CADPS2: variants seen among roughly 807,000 people sequenced by gnomAD.
CADPS2 encodes calcium-dependent secretion activator 2.
A neutral mutation model predicts 172.5 loss-of-function variants in CADPS2; 93 were observed. The observed-to-expected ratio is 0.54, with a 90% CI of 0.46 to 0.64. The LOEUF is 0.64. Among genes scored for constraint, CADPS2 ranks in the 30% least tolerant of loss-of-function variants. The probability of loss-of-function intolerance (pLI) is 0.00; values close to 1 mark genes in which losing one functional copy is unlikely to be tolerated. For missense variants in CADPS2, 1,420 were observed against 1,565.9 expected (o/e 0.91, Z 1.57); for synonymous variants, 546 against 555.2 (o/e 0.98, Z 0.23).
At chr7:122,607,425 C>T (rs1367118307) in intron 6 of CADPS2, among the ~76,000 whole-genome samples, 3 of 152,144 alleles carry the variant, frequency 2.0e-5, no homozygotes, top group African/African-American at 7.2e-5. Flanking sequence ...AGACCACTCA[C>T]TAATTTGTTA....
At chr7:122,684,283 A>G (rs976023407) in intron 2 of CADPS2, among the ~76,000 whole-genome samples, 1 of 152,140 alleles carries the variant, frequency 6.6e-6, no homozygotes, top group Non-Finnish European at 1.5e-5. Flanking sequence ...TTAAGTGAGG[A>G]CTGTGAGGAC....
chr7:122,769,038 T>C (rs2093635375), intron 1 of CADPS2, among the ~76,000 whole-genome samples: 2 of 151,968 alleles, frequency 1.3e-5, no homozygotes, highest in African/African-American at 4.8e-5. Flanking sequence ...AATAGCGCTG[T>C]CAAATTGGGT....
intron 1 of CADPS2, among the ~76,000 whole-genome samples, chr7:122,842,379 G>A (rs1021727598): frequency 1.3e-5 from 2 of 152,180 alleles, no homozygotes; most frequent in African/African-American, 2.4e-5. Flanking sequence ...CCTCATGAAC[G>A]CTTTCTGCCC....
intron 12 of CADPS2, among the ~76,000 whole-genome samples, chr7:122,475,696 A>G (rs1449901187): frequency 3.9e-5 from 6 of 152,188 alleles, no homozygotes; most frequent in African/African-American, 1.4e-4. Flanking sequence ...AGATGGAAGA[A>G]CTACATAATT....
intron 1 of CADPS2, among the ~76,000 whole-genome samples, chr7:122,853,636 A>G (rs1814328759): frequency 6.6e-6 from 1 of 151,830 alleles, no homozygotes; most frequent in South Asian, 2.1e-4. Context: ...ATCCTGACTA[A>G]TATACCCTTA....
chr7:122,860,719 C>A (rs1374437695), intron 1 of CADPS2, among the ~76,000 whole-genome samples: 2 of 152,080 alleles, frequency 1.3e-5, no homozygotes, highest in Non-Finnish European at 2.9e-5. Flanking sequence ...GCTGACCAAC[C>A]TCTCTAAACC....
chr7:122,784,105 A>C (rs1408960568), intron 1 of CADPS2, among the ~76,000 whole-genome samples: 1 of 152,194 alleles, frequency 6.6e-6, no homozygotes, highest in African/African-American at 2.4e-5. Flanking sequence ...TTTGAAAATA[A>C]GATTATAACT....
At chr7:122,777,262 G>A (rs1490867522) in intron 1 of CADPS2, among the ~76,000 whole-genome samples, 1 of 152,182 alleles carries the variant, frequency 6.6e-6, no homozygotes, top group Non-Finnish European at 1.5e-5. Flanking sequence ...CCAGGGAAGG[G>A]ATGGCAGCTC....
chr7:122,321,341 AT>A (rs1318317787), intron 29 of CADPS2, among the ~76,000 whole-genome samples: 1 of 151,974 alleles, frequency 6.6e-6, no homozygotes, highest in Admixed American at 6.6e-5. Context: ...TAACTTTTAA[AT>A]TTTTTTGTAG....
chr7:122,711,011 C>G (rs184090314), intron 2 of CADPS2, among the ~76,000 whole-genome samples: 35 of 152,158 alleles, frequency 2.3e-4, no homozygotes, highest in African/African-American at 7.7e-4. Flanking sequence ...ATATCTGGAG[C>G]TTTTATAATC....
chr7:122,803,020 A>G (rs1048477211), intron 1 of CADPS2, among the ~76,000 whole-genome samples: 3 of 152,246 alleles, frequency 2.0e-5, no homozygotes, highest in African/African-American at 7.2e-5. Context: ...AAAAAATATG[A>G]ATTATATTTA....
intron 20 of CADPS2, among the ~76,000 whole-genome samples, chr7:122,399,658 T>G (rs1447695110): frequency 9.3e-6 from 1 of 107,332 alleles, no homozygotes; most frequent in African/African-American, 3.7e-5. Context: ...AAGGGTGGGT[T>G]TCTTTTTTTT....
At chr7:122,735,797 C>T (rs2092110871) in intron 2 of CADPS2, among the ~76,000 whole-genome samples, 1 of 152,060 alleles carries the variant, frequency 6.6e-6, no homozygotes, top group Admixed American at 6.6e-5. Flanking sequence ...TCCTTCATCC[C>T]AAATACAGAC....
chr7:122,692,431 CAT>C (rs918448725), intron 2 of CADPS2, among the ~76,000 whole-genome samples: 2 of 152,200 alleles, frequency 1.3e-5, no homozygotes, highest in Non-Finnish European at 1.5e-5. Context: ...TACAAACGCC[CAT>C]GTGACTCTGC....
chr7:122,619,628 A>G (rs2075354400), intron 5 of CADPS2, among the ~76,000 whole-genome samples: 1 of 152,168 alleles, frequency 6.6e-6, no homozygotes, highest in Admixed American at 6.5e-5. Flanking sequence ...CTCAGTCTCC[A>G]AACAAATAAA....
intron 2 of CADPS2, among the ~76,000 whole-genome samples, chr7:122,720,559 T>C (rs1034647322): frequency 2.6e-5 from 4 of 151,528 alleles, no homozygotes; most frequent in Admixed American, 6.6e-5. Flanking sequence ...TATATATGCA[T>C]GTGTCTGTAT....
chr7:122,719,813 A>G (rs2090148581), intron 2 of CADPS2, among the ~76,000 whole-genome samples: 1 of 152,116 alleles, frequency 6.6e-6, no homozygotes, highest in African/African-American at 2.4e-5. Flanking sequence ...TCATGACTGA[A>G]AAAAAGGAAA....
chr7:122,459,387 G>A (rs910069513), intron 14 of CADPS2, among the ~76,000 whole-genome samples: 2 of 151,776 alleles, frequency 1.3e-5, no homozygotes, highest in Admixed American at 6.6e-5. Flanking sequence ...ATTCCCAAAG[G>A]TATATTGCTA....
chr7:122,850,721 G>C (rs1428415759), intron 1 of CADPS2, among the ~76,000 whole-genome samples: 3 of 152,280 alleles, frequency 2.0e-5, no homozygotes, highest in Non-Finnish European at 4.4e-5. Context: ...GAGCAGGCTG[G>C]AGCTAAGGCC....
Sources: allele counts gnomAD v4.1 joint callset (sites outside exome capture counted in the v4.1 genomes callset), GRCh38; gene constraint gnomAD v4.1.1; transcripts MANE v1.5; gene names NCBI Gene and HGNC (gene_info 2026-07-23, HGNC 2026-07-21).